SHISA9: variants seen among roughly 807,000 people sequenced by gnomAD.
SHISA9 encodes shisa family member 9.
Under a neutral mutation model 38.0 loss-of-function variants are expected in SHISA9, and 13 were observed. That is an observed-to-expected ratio of 0.34 (90% CI 0.22 to 0.54). The LOEUF (loss-of-function observed/expected upper bound fraction) is 0.54. Ranked by LOEUF, SHISA9 falls within the 20% of genes least tolerant of loss-of-function variation. The probability of loss-of-function intolerance (pLI) is 0.91; values close to 1 mark genes in which losing one functional copy is unlikely to be tolerated. For synonymous variants in SHISA9, 275 were observed against 242.0 expected (o/e 1.14, Z -1.27); for missense variants, 538 against 575.8 (o/e 0.93, Z 0.67).
chr16:13,554,418 T>C, the SHISA9 span, among the ~76,000 whole-genome samples: 4 of 151,970 alleles, frequency 2.6e-5, no homozygotes, highest in Non-Finnish European at 4.4e-5. Flanking sequence ...ATAAATACTC[T>C]ATTATAAATT....
At chr16:13,080,326 T>C (rs998078100) in intron 2 of SHISA9, among the ~76,000 whole-genome samples, 2 of 152,166 alleles carry the variant, frequency 1.3e-5, no homozygotes, top group South Asian at 2.1e-4. Context: ...TGAGCCTAGA[T>C]TGCGCCACTG....
At chr16:13,480,455 A>C in the SHISA9 span, among the ~76,000 whole-genome samples, 1 of 152,126 alleles carries the variant, frequency 6.6e-6, no homozygotes, top group African/African-American at 2.4e-5. Context: ...CAGGGAGAGA[A>C]TGCACTCCCC....
the SHISA9 span, among the ~76,000 whole-genome samples, chr16:13,327,912 G>A: frequency 1.3e-5 from 2 of 152,030 alleles, no homozygotes; most frequent in Non-Finnish European, 2.9e-5. Flanking sequence ...ACCCACTTCG[G>A]CCTCCCAAAG....
the SHISA9 span, among the ~76,000 whole-genome samples, chr16:13,541,374 G>C: frequency 6.6e-6 from 1 of 152,154 alleles, no homozygotes; most frequent in Non-Finnish European, 1.5e-5. Flanking sequence ...AACTGTGTGA[G>C]AGCCAAGAAA....
chr16:12,938,697 T>G (rs1259286631), intron 2 of SHISA9, among the ~76,000 whole-genome samples: 2 of 152,048 alleles, frequency 1.3e-5, no homozygotes, highest in Admixed American at 1.3e-4. Context: ...GAGAGGGGGT[T>G]TCACCATGTT....
the SHISA9 span, among the ~76,000 whole-genome samples, chr16:13,280,249 C>A: frequency 6.7e-6 from 1 of 148,304 alleles, no homozygotes; most frequent in Non-Finnish European, 1.5e-5. Flanking sequence ...CCATTAATTT[C>A]TGTTCTTTCA....
At chr16:13,556,221 G>T in the SHISA9 span, among the ~76,000 whole-genome samples, 11 of 152,076 alleles carry the variant, frequency 7.2e-5, no homozygotes, top group South Asian at 2.1e-4. Flanking sequence ...TAAATCAGTG[G>T]TGACTCGGGT....
At chr16:13,502,654 C>T in the SHISA9 span, among the ~76,000 whole-genome samples, 1 of 152,098 alleles carries the variant, frequency 6.6e-6, no homozygotes, top group African/African-American at 2.4e-5. Flanking sequence ...GCAGATGGAT[C>T]ATTTGAGGTC....
intron 2 of SHISA9, among the ~76,000 whole-genome samples, chr16:12,917,316 G>A (rs893772994): frequency 1.3e-5 from 2 of 152,154 alleles, no homozygotes; most frequent in African/African-American, 4.8e-5. Context: ...TAACGCTAGA[G>A]TTTCATAAAA....
chr16:13,414,444 T>C, the SHISA9 span, among the ~76,000 whole-genome samples: 1 of 152,104 alleles, frequency 6.6e-6, no homozygotes, highest in Non-Finnish European at 1.5e-5. Context: ...AGTTCACAAA[T>C]GCCCACACAG....
the SHISA9 span, among the ~76,000 whole-genome samples, chr16:13,383,514 C>A: frequency 8.7e-4 from 132 of 152,150 alleles, no homozygotes; most frequent in Non-Finnish European, 1.5e-3. Flanking sequence ...TAGAACATCT[C>A]CGAAAAGATG....
chr16:12,930,379 A>G (rs960046670), intron 2 of SHISA9, among the ~76,000 whole-genome samples: 51 of 152,354 alleles, frequency 3.3e-4, no homozygotes, highest in Middle Eastern at 3.4e-3. Context: ...GAGTTGTTGC[A>G]TACATTTAAA....
the SHISA9 span, among the ~76,000 whole-genome samples, chr16:13,304,915 T>C: frequency 2.2e-4 from 34 of 152,220 alleles, no homozygotes; most frequent in African/African-American, 7.7e-4. Context: ...TCTTAGACGA[T>C]GCAGGTGAAG....
intron 4 of SHISA9, among the ~76,000 whole-genome samples, chr16:13,214,780 C>T (rs993892417): frequency 2.0e-5 from 3 of 152,040 alleles, no homozygotes; most frequent in African/African-American, 7.2e-5. Context: ...TAAAACCATC[C>T]GATCTTGTGA....
chr16:13,162,792 T>G (rs906150681), intron 2 of SHISA9, among the ~76,000 whole-genome samples: 4 of 151,984 alleles, frequency 2.6e-5, no homozygotes, highest in Admixed American at 6.6e-5. Context: ...ATTGCTAGTG[T>G]TCTGGAAAGG....
intron 2 of SHISA9, among the ~76,000 whole-genome samples, chr16:13,042,268 G>A (rs945146640): frequency 6.6e-5 from 10 of 152,194 alleles, no homozygotes; most frequent in South Asian, 2.1e-4. Context: ...GAAGGCACTC[G>A]TTACCTGCCC....
intron 2 of SHISA9, among the ~76,000 whole-genome samples, chr16:13,019,945 TTC>T (rs1491352175): frequency 2.5e-5 from 2 of 79,786 alleles, no homozygotes; most frequent in Non-Finnish European, 5.7e-5. Flanking sequence ...CTTTCTTTCT[TTC>T]TTTCTTTCTT....
chr16:13,453,158 G>A, the SHISA9 span, among the ~76,000 whole-genome samples: 3 of 152,220 alleles, frequency 2.0e-5, no homozygotes, highest in Middle Eastern at 3.4e-3. Context: ...AAAGTGCTGG[G>A]ATTACAGGTG....
chr16:13,394,225 A>C, the SHISA9 span, among the ~76,000 whole-genome samples: 8 of 152,350 alleles, frequency 5.3e-5, no homozygotes, highest in South Asian at 1.7e-3. Flanking sequence ...CCCAGCCTGG[A>C]TTCAAACCTA....
Sources: gnomAD v4.1 joint callset for allele counts (sites outside exome capture counted in the v4.1 genomes callset) on GRCh38, gnomAD v4.1.1 for gene constraint, MANE v1.5 for transcripts, NCBI Gene and HGNC (gene_info 2026-07-23, HGNC 2026-07-21) for gene names.